MYOCD: variants seen among roughly 807,000 people sequenced by gnomAD.
The protein encoded by MYOCD is myocardin.
Under a neutral mutation model 96.1 loss-of-function variants are expected in MYOCD, and 32 were observed. The observed-to-expected ratio is 0.33, with a 90% CI of 0.25 to 0.45. The LOEUF is 0.45. MYOCD is among the 20% of genes least tolerant of loss of function. The probability of loss-of-function intolerance (pLI) is 1.00; values close to 1 mark genes in which losing one functional copy is unlikely to be tolerated. For missense variants in MYOCD, 1,133 were observed against 1,200.6 expected, an observed-to-expected ratio of 0.94 and a Z score of 0.83; for synonymous variants, 469 against 469.0, an observed-to-expected ratio of 1.00 and a Z score of 0.00.
In MYOCD at chr17:12,763,374, C is replaced by A. The variant is rs141970944; in HGVS notation, c.2691C>A (p.Asp897Glu). 2,449 of 1,599,326 alleles carry A rather than the reference C, an allele frequency of 1.5e-3. 4 individuals are homozygous for A. Among genetic ancestry groups the A allele is most frequent in the Non-Finnish European group, 1.9e-3 (2,280 of 1,172,386 alleles). The change falls in exon 14 of 14, where the codon GAC becomes GAA. Residue 897 changes from aspartate to glutamate, a missense_variant. Physicochemically the swap from Asp to Glu is conservative, Grantham distance 45. Coordinates refer to ENST00000425538, the MANE Select transcript of MYOCD (RefSeq NM_001146312.3). ...MDGFSGKAAE[D>E]LFNAHEILPG... ...GATTCTCTGGGAAGGCTGCAGAAGA[C>A]CTCTTCAATGCACATGAGATCTTGC...
At chr17:12,688,368 G>A (rs933623332) in intron 1 of MYOCD, among the ~76,000 whole-genome samples, 15 of 152,326 alleles carry the variant, frequency 9.8e-5, no homozygotes, top group Non-Finnish European at 1.6e-4. Flanking sequence ...TGAGCAGATA[G>A]CCAGATTCAT....
intron 3 of MYOCD, among the ~76,000 whole-genome samples, chr17:12,716,513 C>T (rs1186180543): frequency 6.6e-6 from 1 of 152,200 alleles, no homozygotes; most frequent in Non-Finnish European, 1.5e-5. Context: ...GATAACCCAT[C>T]TCTTCATGCC....
chr17:12,739,753 T>C (rs1421570923), intron 7 of MYOCD, among the ~76,000 whole-genome samples: 7 of 152,212 alleles, frequency 4.6e-5, no homozygotes, highest in Admixed American at 4.6e-4. Context: ...CAAGCCAGTC[T>C]TCCTATGGAA....
chr17:12,709,315 C>T (rs55986665), intron 2 of MYOCD, among the ~76,000 whole-genome samples: 13,917 of 152,216 alleles, frequency 0.091, 659 homozygotes, highest in Middle Eastern at 0.15. Context: ...TTTTTATAAT[C>T]CCCATGAATC....
chr17:12,734,319 C>T (rs1257709238), intron 5 of MYOCD, among the ~76,000 whole-genome samples: 2 of 151,898 alleles, frequency 1.3e-5, no homozygotes, highest in Non-Finnish European at 2.9e-5. Context: ...ACTGGCTGCC[C>T]TGAGAGGCTG....
chr17:12,693,623 TAGAATAAAATAAAATAAAATAAAATAA>T (rs1567574728), intron 1 of MYOCD, among the ~76,000 whole-genome samples: 4 of 123,008 alleles, frequency 3.3e-5, no homozygotes, highest in African/African-American at 1.1e-4. Flanking sequence ...AAAAATAAAA[TAGAATAAAATAAAATAAAATAAAATAA>T]AATAAAATAA....
rs1314893541 is a variant in MYOCD, at chr17:12,675,391, A to C, written c.55+9148A>C. ...CATAAACATCATCTGTAAGGGAACG[A>C]TTCATTAAATTACAATATATTCACA... is the stretch of plus-strand genomic sequence containing the variant. On this transcript the variant is annotated intron_variant, in intron 1 of 13. Transcript: ENST00000425538. Among the ~76,000 whole-genome samples the C allele has an allele frequency of 3.3e-5, 5 of 152,224 alleles. No homozygotes were observed. The East Asian group carries it at 9.6e-4, about 29-fold the overall frequency.
At position 12,740,021 on chromosome 17, in the gene MYOCD, C is replaced by T. The variant is rs144323466; in HGVS notation, c.717+693C>T. 6.2e-3 allele frequency among the ~76,000 whole-genome samples: 947 copies of T among 152,128 alleles called. 17 individuals are homozygous for T. The highest frequency in any genetic ancestry group is 0.033 in the South Asian group (157 of 4,814). The stretch of plus-strand genomic sequence containing the variant: ...CGCGATCTCAGCTCACTGCAACCTC[C>T]GCCTCCCAGGTTCAAGTGATTCTCC... On this transcript the variant is annotated intron_variant, in intron 7 of 13. Transcript: ENST00000425538.
intron 5 of MYOCD, among the ~76,000 whole-genome samples, chr17:12,725,698 TTTATA>T (rs1656550827): frequency 6.6e-6 from 1 of 151,356 alleles, no homozygotes; most frequent in Non-Finnish European, 1.5e-5. Context: ...TGCTGTATGT[TTTATA>T]TTATGTTATA....
At chr17:12,722,423 A>C (rs957811380) in intron 4 of MYOCD, among the ~76,000 whole-genome samples, 4 of 152,210 alleles carry the variant, frequency 2.6e-5, no homozygotes, top group African/African-American at 9.7e-5. Context: ...ACTAGTCCAA[A>C]ATCCTTTAAA....
intron 9 of MYOCD, among the ~76,000 whole-genome samples, chr17:12,751,961 G>A (rs1202745758): frequency 6.6e-6 from 1 of 152,266 alleles, no homozygotes; most frequent in East Asian, 1.9e-4. Context: ...TGGTTCTGGC[G>A]CATGTTCAGG....
At chr17:12,754,293 A>T (rs1000472063) in intron 10 of MYOCD, among the ~76,000 whole-genome samples, 1 of 152,114 alleles carries the variant, frequency 6.6e-6, no homozygotes, top group Non-Finnish European at 1.5e-5. Context: ...TAGTAGAGAC[A>T]GAGTTTCACC....
chr17:12,743,574 C>T (rs1282811387), intron 7 of MYOCD, among the ~76,000 whole-genome samples: 1 of 146,734 alleles, frequency 6.8e-6, no homozygotes, highest in Non-Finnish European at 1.5e-5. Context: ...CTCACTGCAA[C>T]CTCTGCCTCC....
chr17:12,678,435 C>T (rs1256507876), intron 1 of MYOCD, among the ~76,000 whole-genome samples: 1 of 151,956 alleles, frequency 6.6e-6, no homozygotes, highest in African/African-American at 2.4e-5. Flanking sequence ...TGGGTCTCAG[C>T]AAGATCATTA....
intron 2 of MYOCD, among the ~76,000 whole-genome samples, chr17:12,709,916 C>A (rs1361428247): frequency 6.6e-6 from 1 of 152,134 alleles, no homozygotes; most frequent in Non-Finnish European, 1.5e-5. Context: ...TTATTCCAAC[C>A]GCTTCTGAAG....
chr17:12,763,432 T>G lies in MYOCD; in HGVS notation c.2749T>G (p.Ser917Ala). 1.9e-6 allele frequency: 3 copies of G among 1,613,366 alleles called. No homozygotes were observed. Among genetic ancestry groups the G allele is most frequent in the Non-Finnish European group, 2.5e-6 (3 of 1,179,568 alleles). ...CCTCTCTCCAATGCAGACACAGTTT[T>G]CACCCTCTTCTGTGGACAGCAATGG... ...GPLSPMQTQF[S>A]PSSVDSNGLQ... The change falls in exon 14 of 14, where the codon TCA (serine) becomes GCA (alanine). Residue 917 changes from serine (S) to alanine (A), a missense_variant. Transcript: ENST00000425538.
At chr17:12,713,700 T>C (rs144839407) in intron 2 of MYOCD, among the ~76,000 whole-genome samples, 162 of 152,212 alleles carry the variant, frequency 1.1e-3, no homozygotes, top group African/African-American at 3.8e-3. Context: ...ATCTGGTTGC[T>C]TAGGGGGAAA....
At chr17:12,694,631 A>G (rs545553659) in intron 1 of MYOCD, among the ~76,000 whole-genome samples, 1 of 152,262 alleles carries the variant, frequency 6.6e-6, no homozygotes, top group South Asian at 2.1e-4. Flanking sequence ...GAAATGGGCA[A>G]CCTGGTCATA....
chr17:12,741,461 A>G (rs999488060), intron 7 of MYOCD, among the ~76,000 whole-genome samples: 1 of 152,188 alleles, frequency 6.6e-6, no homozygotes, highest in African/African-American at 2.4e-5. Context: ...TAATCCCAGC[A>G]CTTTGGGAGG....
Sources: gnomAD v4.1 joint callset for allele counts (sites outside exome capture counted in the v4.1 genomes callset) on GRCh38, gnomAD v4.1.1 for gene constraint, MANE v1.5 for transcripts, NCBI Gene and HGNC (gene_info 2026-07-23, HGNC 2026-07-21) for gene names.